MACF1: variants seen among roughly 807,000 people sequenced by gnomAD.
MACF1 encodes microtubule-actin cross-linking factor 1.
A neutral mutation model predicts 854.8 loss-of-function variants in MACF1; 193 were observed. The observed-to-expected ratio is 0.23, with a 90% CI of 0.20 to 0.25. The LOEUF is 0.25. MACF1 is among the 10% of genes least tolerant of loss of function. The probability of loss-of-function intolerance (pLI) is 1.00; values close to 1 mark genes in which losing one functional copy is unlikely to be tolerated. For missense variants in MACF1, 7,722 were observed against 8,929.1 expected (o/e 0.86, Z 5.45); for synonymous variants, 3,185 against 3,226.7 (o/e 0.99, Z 0.44).
chr1:39,363,718 T>C (rs1415132117), intron 49 of MACF1, among the ~76,000 whole-genome samples: 2 of 152,024 alleles, frequency 1.3e-5, no homozygotes, highest in Non-Finnish European at 2.9e-5. Context: ...GTTCAAGTGA[T>C]TCTCCTGCCT....
rs529508905 is a variant in MACF1 at position 39,372,669 on chromosome 1, A to G, written c.13213+73A>G. ...TTTTGGCCTTTGGAGATGCCTCCTT[A>G]TATAATTAAAGTGAAAATCAAGGTT... On this transcript the variant is annotated intron_variant, in intron 52 of 100. Transcript: ENST00000564288. 9 of 955,188 alleles carry G rather than the reference A, an allele frequency of 9.4e-6. No homozygotes were observed. The East Asian group carries it at 1.7e-4, about 18-fold the overall frequency. The allele number at this position is 955,188 out of a possible 1,614,324, so 59.2% of individuals were successfully genotyped here. A position where few individuals can be genotyped will look rare whatever the true frequency, so the allele number is the denominator to read the frequency against.
At chr1:39,345,530 G>C (rs1352920116) in intron 40 of MACF1, among the ~76,000 whole-genome samples, 2 of 152,186 alleles carry the variant, frequency 1.3e-5, no homozygotes, top group African/African-American at 4.8e-5. Flanking sequence ...AGGATTGCTT[G>C]AGCCCAGGAG....
At chr1:39,179,857 A>G (rs1413457980) in intron 2 of MACF1, among the ~76,000 whole-genome samples, 1 of 151,996 alleles carries the variant, frequency 6.6e-6, no homozygotes, top group Non-Finnish European at 1.5e-5. Flanking sequence ...TCTACTAAAA[A>G]TACAAAAATT....
chr1:39,483,152 CCTA>C (rs1645047452), intron 99 of MACF1, among the ~76,000 whole-genome samples: 1 of 149,148 alleles, frequency 6.7e-6, no homozygotes, highest in Non-Finnish European at 1.5e-5. Flanking sequence ...TCCAGTTAAG[CCTA>C]CTATCTAAAA....
Position 39,293,578 on chromosome 1 carries a change from GACA to G in MACF1, c.2118_2120del (p.Asn707del). 1 of 1,613,594 alleles carries G rather than the reference GACA, an allele frequency of 6.2e-7. No individual in the cohort carries two copies. Among genetic ancestry groups the G allele is most frequent in the Non-Finnish European group, 8.5e-7 (1 of 1,179,690 alleles). ...GGAGGAACTAGCATATGACTGGAGT[GACA>G]ACAATTCCAATATCTCAGCCAAGAG... On this transcript the variant is annotated inframe_deletion, in exon 18 of 101. Coordinates refer to ENST00000564288, the MANE Select transcript of MACF1 (RefSeq NM_001394062.1).
chr1:39,458,702 G>T, intron 90 of MACF1: 1 of 608,908 alleles, frequency 1.6e-6, no homozygotes. Context: ...GAAATTACGA[G>T]GTGGTTAAGC....
In MACF1 at chr1:39,332,344, C is replaced by T. The variant is rs150440643; in HGVS notation, c.5756C>T (p.Ser1919Leu). 64 of 1,613,968 alleles carry T rather than the reference C, an allele frequency of 4.0e-5. No individual in the cohort carries two copies. The African/African-American group carries it at 5.5e-4, about 14-fold the overall frequency. The stretch of plus-strand genomic sequence containing the variant: ...AGAGATCTTGCCAATAACTTAAAAT[C>T]GATTTGTATACCTGATGTGATGCCC... Reference protein sequence around the residue: ...LDRDLANNLKSICIPDVMPHM... With the variant: ...LDRDLANNLKLICIPDVMPHM... The change falls in exon 37 of 101, where the codon TCG (serine) becomes TTG (leucine). Residue 1919 changes from serine to leucine, a missense_variant. Around this residue, in one of 15 missense-constraint regions of MACF1, gnomAD observed 1,531 missense variants for 1,601.6 expected, o/e 0.96. Coordinates refer to ENST00000564288, the MANE Select transcript of MACF1 (RefSeq NM_001394062.1).
chr1:39,331,927 C>G lies in MACF1; in HGVS notation c.5339C>G (p.Thr1780Arg). 6.2e-7 allele frequency: 1 copy of G among 1,614,134 alleles called. No individual in the cohort carries two copies. Among genetic ancestry groups the G allele is most frequent in the South Asian group, 1.1e-5 (1 of 91,086 alleles). The change falls in exon 37 of 101, where the codon ACA becomes AGA. Residue 1780 changes from threonine to arginine, a missense_variant. Around this residue, in one of 15 missense-constraint regions of MACF1, gnomAD observed 1,531 missense variants for 1,601.6 expected, o/e 0.96. Transcript: ENST00000564288. ...GCTGGTGGCATAGTAGATCCAAGAA[C>G]AGGACACAGACTTACAGTGGAAGAG... ...LFAGGIVDPR[T>R]GHRLTVEEAV... is the part of the protein sequence containing the mutation.
intron 49 of MACF1, among the ~76,000 whole-genome samples, chr1:39,364,603 C>T (rs1042695341): frequency 8.6e-5 from 13 of 151,954 alleles, no homozygotes; most frequent in Non-Finnish European, 1.8e-4. Flanking sequence ...CGCCATTCTC[C>T]TGCCTCAGCC....
chr1:39,347,640 A>G (rs541455657), intron 41 of MACF1, among the ~76,000 whole-genome samples: 14 of 152,090 alleles, frequency 9.2e-5, no homozygotes, highest in Non-Finnish European at 8.8e-5. Flanking sequence ...GTTTCATTCT[A>G]TTTAATCTAT....
chr1:39,133,355 G>C (rs1435670765), intron 2 of MACF1, among the ~76,000 whole-genome samples: 1 of 152,216 alleles, frequency 6.6e-6, no homozygotes, highest in Non-Finnish European at 1.5e-5. Context: ...CAGAGACCTG[G>C]AAGAGAGATC....
chr1:39,201,433 A>G (rs946406901), upstream of MACF1, among the ~76,000 whole-genome samples: 1 of 151,756 alleles, frequency 6.6e-6, no homozygotes, highest in African/African-American at 2.4e-5. Flanking sequence ...GCTCACTGCA[A>G]CCTCCGCCTC....
intron 2 of MACF1, among the ~76,000 whole-genome samples, chr1:39,098,354 C>CA (rs1376256512): frequency 2.0e-5 from 3 of 152,320 alleles, no homozygotes; most frequent in Admixed American, 6.5e-5. Flanking sequence ...GTAACTTGCT[C>CA]AAGGTCTCCC....
At chr1:39,386,412 C>A (rs1429844032) in intron 57 of MACF1, among the ~76,000 whole-genome samples, 1 of 150,442 alleles carries the variant, frequency 6.6e-6, no homozygotes, top group African/African-American at 2.5e-5. Flanking sequence ...AGACACACGC[C>A]ACCATGCCCA....
At chr1:39,445,482 A>G (rs1281438135) in intron 80 of MACF1, among the ~76,000 whole-genome samples, 2 of 152,348 alleles carry the variant, frequency 1.3e-5, no homozygotes, top group East Asian at 1.9e-4. Flanking sequence ...AGTGTGTGCC[A>G]AGTCCTGTGC....
intron 26 of MACF1, among the ~76,000 whole-genome samples, chr1:39,313,308 C>T (rs1453190692): frequency 1.3e-5 from 2 of 152,136 alleles, no homozygotes; most frequent in African/African-American, 2.4e-5. Context: ...TTTGTAATTA[C>T]TGAGTATCCT....
At chr1:39,267,706 A>G (rs1557553182) in intron 6 of MACF1, among the ~76,000 whole-genome samples, 1 of 152,224 alleles carries the variant, frequency 6.6e-6, no homozygotes, top group Non-Finnish European at 1.5e-5. Context: ...ATTACTATTG[A>G]ACATTTTTGT....
intron 21 of MACF1, chr1:39,299,155 A>C: frequency 4.4e-6 from 2 of 451,786 alleles, no homozygotes; most frequent in South Asian, 1.6e-5. Flanking sequence ...CCAGCTCTCA[A>C]GTATGGAAAT....
intron 2 of MACF1, among the ~76,000 whole-genome samples, chr1:39,155,880 C>T (rs11205696): frequency 0.59 from 88,136 of 149,788 alleles, 27,711 homozygotes; most frequent in South Asian, 0.72. Context: ...CCACCGTGCT[C>T]GGCTAATTGT....
Sources: allele counts gnomAD v4.1 joint callset (sites outside exome capture counted in the v4.1 genomes callset), GRCh38; gene constraint gnomAD v4.1.1; regional missense constraint gnomAD v4.1.1; transcripts MANE v1.5; gene names NCBI Gene and HGNC (gene_info 2026-07-23, HGNC 2026-07-21).